Variants in KCNH6 observed in about 807,000 individuals in gnomAD.
The protein encoded by KCNH6 is potassium voltage-gated channel subfamily H member 6, also known as voltage-gated inwardly rectifying potassium channel KCNH6.
Under a neutral mutation model 83.4 loss-of-function variants are expected in KCNH6, and 81 were observed. The ratio of observed to expected loss-of-function variants is 0.97; its 90% CI spans 0.81 to 1.17. The LOEUF (loss-of-function observed/expected upper bound fraction) is 1.17. KCNH6 is among the 50% of genes most tolerant of loss of function. KCNH6 has a pLI of 0.00. For synonymous variants in KCNH6, 503 were observed against 545.6 expected, an observed-to-expected ratio of 0.92 and a Z score of 1.09; for missense variants, 1,203 against 1,290.5, an observed-to-expected ratio of 0.93 and a Z score of 1.04.
chr17:63,527,270 A>G (rs928196326), intron 2 of KCNH6, among the ~76,000 whole-genome samples: 1 of 152,176 alleles, frequency 6.6e-6, no homozygotes, highest in Non-Finnish European at 1.5e-5. Context: ...TGTGAATGCC[A>G]GGAGGACCAA....
Position 63,538,653 on chromosome 17 carries a change from G to A in KCNH6, c.1945G>A (p.Ala649Thr). The stretch of plus-strand genomic sequence containing the variant: ...GATCCTGCGCGACGACGTGGTCGTG[G>A]CCATCCTAGGTGGGTCCGGCGGAGT... ...IEILRDDVVV[A>T]ILGKNDIFGE... Residue 649 changes from alanine (A) to threonine (T), a missense_variant, in exon 8 of 13, where the codon GCC becomes ACC. Physicochemically the swap from Ala to Thr is moderately conservative, Grantham distance 58 (BLOSUM62 0). Transcript: ENST00000314672. The surrounding 1 kb of genome is among the most constrained non-coding windows in gnomAD (Gnocchi z 4.0). 1 of 1,591,586 alleles carries A rather than the reference G, an allele frequency of 6.3e-7. No individual in the cohort carries two copies. Among genetic ancestry groups the A allele is most frequent in the Non-Finnish European group, 8.6e-7 (1 of 1,166,396 alleles).
intron 9 of KCNH6, among the ~76,000 whole-genome samples, chr17:63,542,940 CAAG>C (rs145822646): frequency 0.039 from 5,883 of 152,110 alleles, 352 homozygotes; most frequent in African/African-American, 0.13. Context: ...TTTGACAACT[CAAG>C]AAAAATAAAG....
At chr17:63,528,958 C>T (rs2031903120) in intron 2 of KCNH6, among the ~76,000 whole-genome samples, 1 of 152,214 alleles carries the variant, frequency 6.6e-6, no homozygotes, top group Non-Finnish European at 1.5e-5. Context: ...CCTCAGCCTC[C>T]TGAGTAGCTG....
At chr17:63,528,687 C>T (rs1329166380) in intron 2 of KCNH6, among the ~76,000 whole-genome samples, 4 of 152,218 alleles carry the variant, frequency 2.6e-5, no homozygotes, top group Non-Finnish European at 5.9e-5. Flanking sequence ...TTCTCATCTG[C>T]GTGGTCACCT....
intron 4 of KCNH6, among the ~76,000 whole-genome samples, chr17:63,531,004 C>G (rs978984308): frequency 2.0e-5 from 3 of 152,210 alleles, no homozygotes; most frequent in African/African-American, 7.2e-5. Flanking sequence ...CTCCCTACTT[C>G]CTTCCAATGT....
At chr17:63,531,967 A>G (rs1224232772) in intron 4 of KCNH6, among the ~76,000 whole-genome samples, 1 of 152,218 alleles carries the variant, frequency 6.6e-6, no homozygotes, top group African/African-American at 2.4e-5. Flanking sequence ...GGGAAGTCAC[A>G]TCGGCCTCAA....
intron 4 of KCNH6, among the ~76,000 whole-genome samples, chr17:63,531,316 A>G (rs1241151986): frequency 6.6e-6 from 1 of 152,188 alleles, no homozygotes; most frequent in African/African-American, 2.4e-5. Context: ...CCCCCTTTCT[A>G]GGCCTCAGGG....
At chr17:63,537,542 C>T (rs2147694588) in intron 6 of KCNH6, among the ~76,000 whole-genome samples, 1 of 152,260 alleles carries the variant, frequency 6.6e-6, no homozygotes, top group South Asian at 2.1e-4. Context: ...TCAAGCGATT[C>T]TCATGCCTCA....
At chr17:63,525,739 G>T (rs151292505) in intron 2 of KCNH6, among the ~76,000 whole-genome samples, 123 of 152,300 alleles carry the variant, frequency 8.1e-4, no homozygotes, top group African/African-American at 2.9e-3. Context: ...ACAGGCAGCG[G>T]CAGCCAGGAA....
At chr17:63,527,322 T>A (rs2031783343) in intron 2 of KCNH6, among the ~76,000 whole-genome samples, 2 of 152,174 alleles carry the variant, frequency 1.3e-5, no homozygotes, top group Non-Finnish European at 1.5e-5. Context: ...CAGTGGCAGC[T>A]TTTTGGCTTT....
Position 63,533,871 on chromosome 17 carries a change from G to T in KCNH6, c.676-15G>T, listed in dbSNP as rs112790526. On this transcript the variant is annotated splice_polypyrimidine_tract_variant and intron_variant, in intron 4 of 12. Coordinates refer to ENST00000314672, the MANE Select transcript of KCNH6 (RefSeq NM_001278919.2). This position sits in a 1 kb window ranked among gnomAD's most constrained non-coding sequence, Gnocchi z 4.1. ...GGCTGCCCCGTGCCTGACCTCCCTCGGCCCCCACCCCCAGGTCCTGTCCCT... is the reference window on the plus strand; with the variant it reads ...GGCTGCCCCGTGCCTGACCTCCCTCTGCCCCCACCCCCAGGTCCTGTCCCT... The T allele has an allele frequency of 1.8e-3, 2,862 of 1,604,816 alleles. 32 individuals are homozygous for T. The African/African-American group carries it at 0.033, about 18-fold the overall frequency.
In KCNH6 at chr17:63,523,693, A is replaced by G. The variant is rs1370988069; in HGVS notation, c.76+204A>G. ...AATGCTGTCCTCTTTTCTGGAACAC[A>G]AGGAGCAGCGTGCAGGCCTTCCCTC... On this transcript the variant is annotated intron_variant, in intron 1 of 12. Transcript: ENST00000314672. This position sits in a 1 kb window ranked among gnomAD's most constrained non-coding sequence, Gnocchi z 4.2. Among the ~76,000 whole-genome samples, 1 of 152,094 alleles carries G rather than the reference A, an allele frequency of 6.6e-6. No homozygotes were observed. Among genetic ancestry groups the G allele is most frequent in the Non-Finnish European group, 1.5e-5 (1 of 68,008 alleles).
chr17:63,544,357 G>T lies in KCNH6; in HGVS notation c.2342G>T (p.Cys781Phe). Residue 781 changes from cysteine (C) to phenylalanine (F), a missense_variant, in exon 11 of 13, where the codon TGC becomes TTC. Physicochemically the swap from Cys to Phe is radical, Grantham distance 205. Transcript: ENST00000314672. ...SPQSPQEDPD[C>F]WPLKLGSRLE... ...CAAAGCCCTCAGGAAGACCCAGATT[G>T]CTGGCCTCTGAAGCTGGGCTCCAGG... 1 of 1,610,922 alleles carries T rather than the reference G, an allele frequency of 6.2e-7. No individual in the cohort carries two copies. Among genetic ancestry groups the T allele is most frequent in the Non-Finnish European group, 8.5e-7 (1 of 1,178,632 alleles).
At position 63,530,145 on chromosome 17, in the gene KCNH6, C is replaced by T. The variant is rs147534520; in HGVS notation, c.362C>T (p.Ala121Val). Reference sequence around the variant, plus strand: ...GTGCCCGTGAAGAACGAGGACGGGGCTGTCATCATGTTCATTCTCAACTTC... The same window carrying T: ...GTGCCCGTGAAGAACGAGGACGGGGTTGTCATCATGTTCATTCTCAACTTC... ...DVVPVKNEDG[A>V]VIMFILNFED... Residue 121 changes from alanine (A) to valine (V), a missense_variant, in exon 3 of 13, where the codon GCT (alanine) becomes GTT (valine). Ala to Val is a moderately conservative substitution (Grantham distance 64). Coordinates refer to ENST00000314672, the MANE Select transcript of KCNH6 (RefSeq NM_001278919.2). 5.0e-6 allele frequency: 8 copies of T among 1,613,988 alleles called. No individual in the cohort carries two copies. The African/African-American group carries it at 1.1e-4, about 22-fold the overall frequency.
chr17:63,524,335 G>T lies in KCNH6; in HGVS notation c.273G>T (p.Glu91Asp), dbSNP rs770522524. Residue 91 changes from glutamate to aspartate, a missense_variant, in exon 2 of 13, where the codon GAG (glutamate) becomes GAT (aspartate). Coordinates refer to ENST00000314672, the MANE Select transcript of KCNH6 (RefSeq NM_001278919.2). ...RLAQALLGAE[E>D]CKVDILYYRK... is the part of the protein sequence containing the mutation. ...CGCAGGCCCTGCTGGGGGCTGAGGAGTGCAAGGTGGACATCCTCTACTACC... is the reference window on the plus strand; with the variant it reads ...CGCAGGCCCTGCTGGGGGCTGAGGATTGCAAGGTGGACATCCTCTACTACC... 6.8e-6 allele frequency: 11 copies of T among 1,613,728 alleles called. No homozygotes were observed. Among genetic ancestry groups the T allele is most frequent in the Non-Finnish European group, 9.3e-6 (11 of 1,180,032 alleles).
In KCNH6 at chr17:63,538,487, AG is replaced by A. The variant is rs774677464; in HGVS notation, c.1780del (p.Ala594LeufsTer13). On this transcript the variant is annotated frameshift_variant, in exon 8 of 13. Transcript: ENST00000314672. LOFTEE classifies it high-confidence loss of function. The surrounding 1 kb of genome is among the most constrained non-coding windows in gnomAD (Gnocchi z 4.0). ...LHRALLQHCP[A>X]FSGAGKGCLR... ...ACCGCGCACTGCTGCAGCACTGCCCAGCTTTCAGCGGCGCCGGCAAGGGCTG... is the reference window on the plus strand; with the variant it reads ...ACCGCGCACTGCTGCAGCACTGCCCACTTTCAGCGGCGCCGGCAAGGGCTG... 6.2e-7 allele frequency: 1 copy of A among 1,604,150 alleles called. No homozygotes were observed. The highest frequency in any genetic ancestry group is 1.7e-5 in the Admixed American group (1 of 58,698).
intron 4 of KCNH6, among the ~76,000 whole-genome samples, chr17:63,531,080 T>A (rs2032075868): frequency 6.6e-6 from 1 of 152,234 alleles, no homozygotes; most frequent in Non-Finnish European, 1.5e-5. Flanking sequence ...CTATCTTTAA[T>A]CAGCTTCCTG....
intron 2 of KCNH6, among the ~76,000 whole-genome samples, chr17:63,527,461 G>A (rs1275184450): frequency 6.6e-6 from 1 of 152,208 alleles, no homozygotes; most frequent in Admixed American, 6.5e-5. Flanking sequence ...ATTCAAGAGG[G>A]AGAGAAGAGG....
chr17:63,528,707 GC>G (rs1376683555), intron 2 of KCNH6, among the ~76,000 whole-genome samples: 2 of 152,214 alleles, frequency 1.3e-5, no homozygotes, highest in Non-Finnish European at 2.9e-5. Context: ...TGAGGCCCCT[GC>G]CCCCTGAGGA....
Sources: gnomAD v4.1 joint callset for allele counts (sites outside exome capture counted in the v4.1 genomes callset) on GRCh38, gnomAD v4.1.1 for gene constraint, Gnocchi (gnomAD v3.1) non-coding constraint, MANE v1.5 for transcripts, NCBI Gene and HGNC (gene_info 2026-07-23, HGNC 2026-07-21) for gene names.